Variants in ZNF740 observed in about 807,000 individuals in gnomAD.
ZNF740 encodes the protein zinc finger protein 740.
In ZNF740, 14 loss-of-function variants were observed where a neutral mutation model predicts 24.8. That is an observed-to-expected ratio of 0.56 (90% confidence interval 0.37 to 0.88). The LOEUF is 0.88. Among genes scored for constraint, ZNF740 ranks in the 40% least tolerant of loss-of-function variants. The pLI is 0.00. For synonymous variants in ZNF740, 69 were observed against 84.0 expected (o/e 0.82, Z 0.98); for missense variants, 201 against 247.9 (o/e 0.81, Z 1.27).
rs756884191 is a variant in ZNF740, at chr12:53,187,882, G to T, written c.*292G>T. 5.7e-5 allele frequency: 21 copies of T among 370,488 alleles called. No homozygotes were observed. Among genetic ancestry groups the T allele is most frequent in the African/African-American group, 8.1e-5 (4 of 49,244 alleles). The allele number at this position is 370,488 out of a possible 1,614,324, so 23.0% of individuals were successfully genotyped here. ...GTGGGGACTCAAGGTACAGGACCAA[G>T]ACTGAAGTGTGGCTCCCACAACCTT... On this transcript the variant is annotated 3_prime_UTR_variant, in exon 7 of 7. Coordinates refer to ENST00000416904, the MANE Select transcript of ZNF740 (RefSeq NM_001004304.4).
chr12:53,191,737 G>T lies in ZNF740; in HGVS notation c.*4147G>T. On this transcript the variant is annotated 3_prime_UTR_variant, in exon 7 of 7. Transcript: ENST00000416904. ...CTTGAGCCGAATCCTAGGAGCTGAT[G>T]GAAGTTAGCAGAGGGGTTGGTTACA... 6.6e-7 allele frequency: 1 copy of T among 1,518,114 alleles called. No individual in the cohort carries two copies. The highest frequency in any genetic ancestry group is 9.1e-7 in the Non-Finnish European group (1 of 1,094,554). The allele number at this position is 1,518,114 out of a possible 1,614,324, so 94.0% of individuals were successfully genotyped here.
In ZNF740 at chr12:53,194,162, C is replaced by T. The variant is rs991207856; in HGVS notation, c.*6572C>T. The T allele has an allele frequency of 2.5e-6, 4 of 1,612,716 alleles. No individual in the cohort carries two copies. The highest frequency in any genetic ancestry group is 3.4e-6 in the Non-Finnish European group (4 of 1,178,920). On this transcript the variant is annotated 3_prime_UTR_variant, in exon 7 of 7. Transcript: ENST00000416904. ...GCTTAATTTCCCACTCCCACCTCCC[C>T]CTGCCCGCCTTCTGCCTGTGCTTGC...
rs3814777 is a variant in ZNF740, at chr12:53,181,775, A to G, written c.-209A>G. On this transcript the variant is annotated 5_prime_UTR_variant, in exon 2 of 7. Coordinates refer to ENST00000416904, the MANE Select transcript of ZNF740 (RefSeq NM_001004304.4). Reference sequence around the variant, plus strand: ...TTCAGACAATAGGCAGGAGCCAGGCAGAGTCCAGGGATTCTTGGAACACCT... The same window carrying G: ...TTCAGACAATAGGCAGGAGCCAGGCGGAGTCCAGGGATTCTTGGAACACCT... The G allele has an allele frequency of 0.066, 42,179 of 636,536 alleles. 1,931 individuals are homozygous for G. The highest frequency in any genetic ancestry group is 0.18 in the East Asian group (6,036 of 32,688). 39.4% of individuals were successfully genotyped at this position (636,536 alleles called of 1,614,324 possible).
In ZNF740 at chr12:53,191,509, C is replaced by A. The variant is rs371913287; in HGVS notation, c.*3919C>A. 290 of 1,456,688 alleles carry A rather than the reference C, an allele frequency of 2.0e-4. No individual in the cohort carries two copies. The African/African-American group carries it at 3.6e-3, about 18-fold the overall frequency. The allele number at this position is 1,456,688 out of a possible 1,614,324, so 90.2% of individuals were successfully genotyped here. ...ACCCTTCCTCTCACCCTCCAGTTCC[C>A]ACTGTCCTCCAAGGAGAAGAGCCTT... On this transcript the variant is annotated 3_prime_UTR_variant, in exon 7 of 7. Transcript: ENST00000416904.
In ZNF740 at chr12:53,193,521, A is replaced by T; in HGVS notation, c.*5931A>T. 1.4e-6 allele frequency: 1 copy of T among 733,500 alleles called. No individual in the cohort carries two copies. The highest frequency in any genetic ancestry group is 2.2e-6 in the Non-Finnish European group (1 of 450,694). 45.4% of individuals were successfully genotyped at this position (733,500 alleles called of 1,614,324 possible). ...ATAGTGAAACACTGAGGGGTGAGAG[A>T]GTGGAGGGAGCCCCAGTCAGGGGGA... On this transcript the variant is annotated 3_prime_UTR_variant, in exon 7 of 7. Transcript: ENST00000416904.
At position 53,192,228 on chromosome 12, in the gene ZNF740, C is replaced by A; in HGVS notation, c.*4638C>A. 7.5e-7 allele frequency: 1 copy of A among 1,336,120 alleles called. No individual in the cohort carries two copies. 82.8% of individuals were successfully genotyped at this position (1,336,120 alleles called of 1,614,324 possible). ...CCTTTGTCCTGGATTCACAGTTCTG[C>A]TTCAGCCCCCAGCCTGTTTCCCATT... On this transcript the variant is annotated 3_prime_UTR_variant, in exon 7 of 7. Transcript: ENST00000416904.
At chr12:53,182,029 G>A (rs1230612248) in intron 2 of ZNF740, 37 bp downstream of exon 2, 3 of 1,601,528 alleles carry the variant, frequency 1.9e-6, no homozygotes, top group Non-Finnish European at 2.6e-6. Context: ...AGATAACTGG[G>A]AAGCCTGTTT....
rs2120362279 is a variant in ZNF740, at chr12:53,187,595, A to G, written c.*5A>G. ...GACGGGCAGTTTTCTCTATAGGCGCAAGGGGCCCCGGGTGGTGGGAGTGAT... is the reference window on the plus strand; with the variant it reads ...GACGGGCAGTTTTCTCTATAGGCGCGAGGGGCCCCGGGTGGTGGGAGTGAT... On this transcript the variant is annotated 3_prime_UTR_variant, in exon 7 of 7. Coordinates refer to ENST00000416904, the MANE Select transcript of ZNF740 (RefSeq NM_001004304.4). The G allele has an allele frequency of 6.2e-7, 1 of 1,613,586 alleles. No homozygotes were observed. Among genetic ancestry groups the G allele is most frequent in the Non-Finnish European group, 8.5e-7 (1 of 1,179,574 alleles).
In ZNF740 at chr12:53,191,301, T is replaced by C; in HGVS notation, c.*3711T>C. On this transcript the variant is annotated 3_prime_UTR_variant, in exon 7 of 7. Coordinates refer to ENST00000416904, the MANE Select transcript of ZNF740 (RefSeq NM_001004304.4). Reference sequence around the variant, plus strand: ...ACAGTCTGCTTTGGCCTTGATGAGGTAAAGCAAAGTGACAGCTGTGGTCTG... The same window carrying C: ...ACAGTCTGCTTTGGCCTTGATGAGGCAAAGCAAAGTGACAGCTGTGGTCTG... 2.0e-6 allele frequency: 1 copy of C among 501,898 alleles called. No homozygotes were observed. Among genetic ancestry groups the C allele is most frequent in the Non-Finnish European group, 3.6e-6 (1 of 274,120 alleles). 31.1% of individuals were successfully genotyped at this position (501,898 alleles called of 1,614,324 possible). A position where few individuals can be genotyped will look rare whatever the true frequency, so the allele number is the denominator to read the frequency against.
Position 53,190,854 on chromosome 12 carries a change from G to T in ZNF740, c.*3264G>T, listed in dbSNP as rs1941920256. 6.6e-6 allele frequency: 1 copy of T among 152,098 alleles called. No individual in the cohort carries two copies. The highest frequency in any genetic ancestry group is 2.4e-5 in the African/African-American group (1 of 41,304). 9.4% of individuals were successfully genotyped at this position (152,098 alleles called of 1,614,324 possible). ...GGATATTTAAATAAAAGGAAAATGG[G>T]GCTTTTCTACATACTATCTCCTCTT... On this transcript the variant is annotated 3_prime_UTR_variant, in exon 7 of 7. Coordinates refer to ENST00000416904, the MANE Select transcript of ZNF740 (RefSeq NM_001004304.4).
chr12:53,180,745 G>C lies in ZNF740; in HGVS notation c.-400G>C, dbSNP rs1322555652. On this transcript the variant is annotated 5_prime_UTR_variant, in exon 1 of 7. Transcript: ENST00000416904. ...TTGTAAACTTGCCTCGGTCCCGGTG[G>C]GGGCAGCCGCGGCGGTGGGGTTGGC... The C allele has an allele frequency of 1.6e-6, 2 of 1,266,108 alleles. No individual in the cohort carries two copies. The highest frequency in any genetic ancestry group is 2.4e-5 in the Admixed American group (1 of 41,318). The allele number at this position is 1,266,108 out of a possible 1,614,324, so 78.4% of individuals were successfully genotyped here.
chr12:53,186,131 C>T (rs561297597), intron 5 of ZNF740, 54 bp downstream of exon 5: 100 of 1,579,540 alleles, frequency 6.3e-5, no homozygotes, highest in African/African-American at 4.1e-4. Context: ...GCTTGTATTC[C>T]ATGTCTGTTT....
rs750805480 is a variant in ZNF740, at chr12:53,192,056, G to GAGCTGC, written c.*4469_*4470insTGCAGC. The GAGCTGC allele has an allele frequency of 1.9e-6, 3 of 1,601,406 alleles. No individual in the cohort carries two copies. Among genetic ancestry groups the GAGCTGC allele is most frequent in the Non-Finnish European group, 1.7e-6 (2 of 1,172,746 alleles). On this transcript the variant is annotated 3_prime_UTR_variant, in exon 7 of 7. Coordinates refer to ENST00000416904, the MANE Select transcript of ZNF740 (RefSeq NM_001004304.4). Reference sequence around the variant, plus strand: ...AAACCAGACACACTTGTGGGAGCTGGAGCATAGGGACAGATCATCAGTTGC... The same window carrying GAGCTGC: ...AAACCAGACACACTTGTGGGAGCTGGAGCTGCAGCATAGGGACAGATCATCAGTTGC...
At position 53,191,981 on chromosome 12, in the gene ZNF740, C is replaced by G. The variant is rs755047217; in HGVS notation, c.*4391C>G. The G allele has an allele frequency of 1.3e-5, 21 of 1,612,620 alleles. No individual in the cohort carries two copies. Among genetic ancestry groups the G allele is most frequent in the Non-Finnish European group, 5.9e-6 (7 of 1,179,976 alleles). On this transcript the variant is annotated 3_prime_UTR_variant, in exon 7 of 7. Transcript: ENST00000416904. ...AGCCCCACTGCCACGATGCCCCCTA[C>G]GCAGCCCAGCACAATGGCCTGCGTG...
At position 53,191,961 on chromosome 12, in the gene ZNF740, CA is replaced by C; in HGVS notation, c.*4372del. ...GGTAAGCCAGGACCAGCCCCAGCCCCACTGCCACGATGCCCCCTACGCAGCC... is the reference window on the plus strand; with the variant it reads ...GGTAAGCCAGGACCAGCCCCAGCCCCCTGCCACGATGCCCCCTACGCAGCC... On this transcript the variant is annotated 3_prime_UTR_variant, in exon 7 of 7. Transcript: ENST00000416904. 1 of 1,612,194 alleles carries C rather than the reference CA, an allele frequency of 6.2e-7. No individual in the cohort carries two copies. The highest frequency in any genetic ancestry group is 8.5e-7 in the Non-Finnish European group (1 of 1,179,998).
rs1592390515 is a variant in ZNF740 at position 53,188,937 on chromosome 12, A to G, written c.*1347A>G. 6.6e-6 allele frequency: 1 copy of G among 152,028 alleles called. No homozygotes were observed. The highest frequency in any genetic ancestry group is 6.6e-5 in the Admixed American group (1 of 15,262). The allele number at this position is 152,028 out of a possible 1,614,324, so 9.4% of individuals were successfully genotyped here. A position where few individuals can be genotyped will look rare whatever the true frequency, so the allele number is the denominator to read the frequency against. On this transcript the variant is annotated 3_prime_UTR_variant, in exon 7 of 7. Transcript: ENST00000416904. The stretch of plus-strand genomic sequence containing the variant: ...GTGTGTGTGAGATATGAATGCATGT[A>G]TTTGTATGCTTGCAGGAGATGGCAT...
At position 53,185,969 on chromosome 12, in the gene ZNF740, C is replaced by A; in HGVS notation, c.265C>A (p.Gln89Lys). ...TTGCCCCCAGGTGGTGGTAGTGGAA[C>A]AAAATGGTTCTTTTCAAGTAAAGAT... ...KTVKKVVVVEQNGSFQVKIPK... is the reference protein window; with the variant it reads ...KTVKKVVVVEKNGSFQVKIPK... The change falls in exon 5 of 7, where the codon CAA becomes AAA. Residue 89 changes from glutamine (Q) to lysine (K), a missense_variant. Gln to Lys is a moderately conservative substitution (Grantham distance 53, BLOSUM62 1). Transcript: ENST00000416904. 3 of 1,613,720 alleles carry A rather than the reference C, an allele frequency of 1.9e-6. No individual in the cohort carries two copies. The highest frequency in any genetic ancestry group is 1.7e-6 in the Non-Finnish European group (2 of 1,179,754).
At chr12:53,187,428 G>A in intron 6 of ZNF740, 73 bp from the exon 7 acceptor site, 1 of 1,256,016 alleles carries the variant, frequency 8.0e-7, no homozygotes, top group East Asian at 2.4e-5. Flanking sequence ...TCTGCCTCCT[G>A]TGAGAGGAAT....
At position 53,191,476 on chromosome 12, in the gene ZNF740, A is replaced by G; in HGVS notation, c.*3886A>G. The stretch of plus-strand genomic sequence containing the variant: ...TGAATTAGTCCCCTACCAAGGTCTT[A>G]CAGACCCACCCTTCCTCTCACCCTC... On this transcript the variant is annotated 3_prime_UTR_variant, in exon 7 of 7. Transcript: ENST00000416904. 8.7e-7 allele frequency: 1 copy of G among 1,151,868 alleles called. No homozygotes were observed. The highest frequency in any genetic ancestry group is 1.7e-5 in the Admixed American group (1 of 59,316). 71.4% of individuals were successfully genotyped at this position (1,151,868 alleles called of 1,614,324 possible).
Sources: allele counts gnomAD v4.1 joint callset, GRCh38; gene constraint gnomAD v4.1.1; transcripts MANE v1.5; gene names NCBI Gene and HGNC (gene_info 2026-07-23, HGNC 2026-07-21).